NR1H4: variants seen among roughly 807,000 people sequenced by gnomAD.
NR1H4 encodes nuclear receptor subfamily 1 group H member 4.
In NR1H4, 23 loss-of-function variants were observed where a neutral mutation model predicts 58.5. That is an observed-to-expected ratio of 0.39 (90% CI 0.28 to 0.56). The LOEUF is 0.56. NR1H4 is among the 20% of genes least tolerant of loss of function. The pLI, the probability that NR1H4 is intolerant of heterozygous loss-of-function variation, is 0.58. For missense variants in NR1H4, 487 were observed against 576.9 expected (o/e 0.84, Z 1.60); for synonymous variants, 214 against 198.0 (o/e 1.08, Z -0.68).
At chr12:100,561,735 T>A (rs1018383702) in intron 9 of NR1H4, 150 bp from the exon 10 acceptor site, 9 of 589,502 alleles carry the variant, frequency 1.5e-5, no homozygotes, top group African/African-American at 1.5e-4. Context: ...ATGTCCTTCC[T>A]TTGGACATAT....
intron 3 of NR1H4, among the ~76,000 whole-genome samples, chr12:100,506,042 C>CACACAG (rs1491443606): frequency 0.018 from 2,115 of 117,320 alleles, 49 homozygotes; most frequent in African/African-American, 0.066. Context: ...CACACACACA[C>CACACAG]AGAGAGAGAG....
At position 100,563,571 on chromosome 12, in the gene NR1H4, C is replaced by A. The variant is rs768807304; in HGVS notation, c.*82C>A. ...ATAACTTTCCTTTATTTCACTTGTA[C>A]CCAGTTTCACTCAAGAAATCTTGAT... On this transcript the variant is annotated 3_prime_UTR_variant, in exon 11 of 11. Coordinates refer to ENST00000392986, the MANE Select transcript of NR1H4 (RefSeq NM_001206979.2). 9.5e-7 allele frequency: 1 copy of A among 1,050,726 alleles called. No homozygotes were observed. Among genetic ancestry groups the A allele is most frequent in the Non-Finnish European group, 1.5e-6 (1 of 671,264 alleles). 65.1% of individuals were successfully genotyped at this position (1,050,726 alleles called of 1,614,324 possible).
intron 9 of NR1H4, among the ~76,000 whole-genome samples, chr12:100,541,519 C>T (rs531789375): frequency 2.3e-4 from 35 of 151,996 alleles, no homozygotes; most frequent in Admixed American, 2.1e-3. Context: ...TGGTCTCAAG[C>T]GATCAGCCTG....
intron 7 of NR1H4, 142 bp downstream of exon 7, chr12:100,536,752 A>C (rs1954823328): frequency 2.9e-6 from 2 of 683,410 alleles, no homozygotes; most frequent in Admixed American, 2.6e-5. Flanking sequence ...TTAAACTCTC[A>C]GCAACATTAA....
At chr12:100,522,440 A>G (rs1464139832) in intron 4 of NR1H4, among the ~76,000 whole-genome samples, 1 of 152,114 alleles carries the variant, frequency 6.6e-6, no homozygotes, top group African/African-American at 2.4e-5. Context: ...ATCCTCAATC[A>G]TTGCCTGCTA....
At chr12:100,516,054 C>T (rs2136178101) in intron 4 of NR1H4, among the ~76,000 whole-genome samples, 1 of 152,286 alleles carries the variant, frequency 6.6e-6, no homozygotes, top group South Asian at 2.1e-4. Flanking sequence ...AAAATCATAT[C>T]CAAAATCTTC....
chr12:100,534,946 C>G lies in NR1H4; in HGVS notation c.655C>G (p.His219Asp), dbSNP rs189042762. 1 of 1,614,050 alleles carries G rather than the reference C, an allele frequency of 6.2e-7. No homozygotes were observed. Among genetic ancestry groups the G allele is most frequent in the African/African-American group, 1.3e-5 (1 of 74,914 alleles). ...GCGACTGAGAAAAAATGTGAAGCAGCATGCAGATCAGACCGTGAATGAAGA... is the reference window on the plus strand; with the variant it reads ...GCGACTGAGAAAAAATGTGAAGCAGGATGCAGATCAGACCGTGAATGAAGA... ...SKRLRKNVKQ[H>D]ADQTVNEDSE... Residue 219 changes from histidine (H) to aspartate (D), a missense_variant, in exon 6 of 11, where the codon CAT becomes GAT. His to Asp is a moderately conservative substitution (Grantham distance 81, BLOSUM62 -1). Transcript: ENST00000392986.
intron 6 of NR1H4, among the ~76,000 whole-genome samples, 194 bp from the exon 7 acceptor site, chr12:100,536,318 T>C (rs780630413): frequency 6.6e-6 from 1 of 152,048 alleles, no homozygotes; most frequent in Non-Finnish European, 1.5e-5. Context: ...GAAAATTCAG[T>C]GAAATGTGAT....
intron 4 of NR1H4, among the ~76,000 whole-genome samples, chr12:100,519,786 G>A (rs1954366600): frequency 1.3e-5 from 2 of 152,112 alleles, no homozygotes; most frequent in Admixed American, 6.6e-5. Flanking sequence ...GGAGTTGGGA[G>A]GGACAGAGCT....
chr12:100,478,532 TAA>T (rs1256441440), intron 1 of NR1H4, among the ~76,000 whole-genome samples: 1 of 152,248 alleles, frequency 6.6e-6, no homozygotes, highest in Non-Finnish European at 1.5e-5. Context: ...ACATTATGAA[TAA>T]GTCTAAAATA....
At chr12:100,496,657 G>A (rs192065982) in intron 3 of NR1H4, among the ~76,000 whole-genome samples, 20 of 152,272 alleles carry the variant, frequency 1.3e-4, no homozygotes, top group African/African-American at 4.6e-4. Context: ...TGTTGTCCAC[G>A]TCAGGAAGTG....
chr12:100,536,185 T>C (rs1175259277), intron 6 of NR1H4, among the ~76,000 whole-genome samples: 2 of 152,168 alleles, frequency 1.3e-5, no homozygotes, highest in Non-Finnish European at 2.9e-5. Flanking sequence ...TTAGTTATAA[T>C]TAAAGCTTGA....
intron 3 of NR1H4, among the ~76,000 whole-genome samples, chr12:100,493,612 G>A (rs1282757329): frequency 1.3e-5 from 2 of 152,172 alleles, no homozygotes; most frequent in Middle Eastern, 3.2e-3. Flanking sequence ...TTATAGATGA[G>A]GACTGCAAAA....
intron 1 of NR1H4, among the ~76,000 whole-genome samples, chr12:100,477,143 C>T (rs899139255): frequency 6.6e-6 from 1 of 152,140 alleles, no homozygotes; most frequent in Non-Finnish European, 1.5e-5. Flanking sequence ...TTTTCTCCCT[C>T]AGTTTGCCCA....
intron 4 of NR1H4, among the ~76,000 whole-genome samples, chr12:100,517,509 CT>C (rs1413081284): frequency 6.6e-6 from 1 of 152,172 alleles, no homozygotes; most frequent in African/African-American, 2.4e-5. Flanking sequence ...GCAGATATCT[CT>C]TTGACATACT....
At chr12:100,557,338 G>C (rs887364055) in intron 9 of NR1H4, among the ~76,000 whole-genome samples, 5 of 152,310 alleles carry the variant, frequency 3.3e-5, no homozygotes, top group Admixed American at 2.0e-4. Flanking sequence ...AACTAATAAA[G>C]TAAGAACTCA....
chr12:100,526,968 G>A (rs907992971), intron 4 of NR1H4, among the ~76,000 whole-genome samples: 1 of 152,140 alleles, frequency 6.6e-6, no homozygotes, highest in Non-Finnish European at 1.5e-5. Context: ...AAGAGTTTCC[G>A]CCCTCTTGGG....
chr12:100,515,492 A>G (rs1954242209), intron 4 of NR1H4, among the ~76,000 whole-genome samples: 1 of 152,050 alleles, frequency 6.6e-6, no homozygotes, highest in Non-Finnish European at 1.5e-5. Flanking sequence ...CTTGACAAAC[A>G]AGTCATATTT....
Position 100,513,798 on chromosome 12 carries a change from CAGAAAGGAAGGAAGGAAGGAAGGA to C in NR1H4, c.445+2658_445+2681del, listed in dbSNP as rs1371030990. Among the ~76,000 whole-genome samples, 128 of 87,384 alleles carry C rather than the reference CAGAAAGGAAGGAAGGAAGGAAGGA, an allele frequency of 1.5e-3. 2 individuals carry two copies. In the South Asian group the frequency reaches 0.021, roughly 14 times the overall value. 57.3% of individuals were successfully genotyped at this position (87,384 alleles called of 152,430 possible). A position where few individuals can be genotyped will look rare whatever the true frequency, so the allele number is the denominator to read the frequency against. On this transcript the variant is annotated intron_variant, in intron 4 of 10. Transcript: ENST00000392986. ...TGACAGAGCGAGACTCCGTCAAAGACAGAAAGGAAGGAAGGAAGGAAGGAAGGAAGGAAGGAAGGAAGGAAGGAA... is the reference window on the plus strand; with the variant it reads ...TGACAGAGCGAGACTCCGTCAAAGACAGGAAGGAAGGAAGGAAGGAAGGAA...
Sources: gnomAD v4.1 joint callset for allele counts (sites outside exome capture counted in the v4.1 genomes callset) on GRCh38, gnomAD v4.1.1 for gene constraint, MANE v1.5 for transcripts, NCBI Gene and HGNC (gene_info 2026-07-23, HGNC 2026-07-21) for gene names.